KLHDC10: variants seen among roughly 807,000 people sequenced by gnomAD.
KLHDC10 encodes kelch domain-containing protein 10.
KLHDC10 carries 24 observed loss-of-function variants against 56.1 expected under a neutral mutation model. The ratio of observed to expected loss-of-function variants is 0.43; its 90% CI spans 0.31 to 0.60. The LOEUF (loss-of-function observed/expected upper bound fraction) is 0.60, where lower values mean the gene tolerates loss of function less well. Among genes scored for constraint, KLHDC10 ranks in the 20% least tolerant of loss-of-function variants. The pLI is 0.11. For synonymous variants in KLHDC10, 188 were observed against 207.1 expected (o/e 0.91, Z 0.79); for missense variants, 349 against 567.0 (o/e 0.62, Z 3.91).
At chr7:130,119,516 A>G (rs1796217688) in intron 3 of KLHDC10, among the ~76,000 whole-genome samples, 1 of 141,960 alleles carries the variant, frequency 7.0e-6, no homozygotes, top group Admixed American at 7.4e-5. Flanking sequence ...TGCCTTTCAA[A>G]CAAACAAACA....
At chr7:130,080,153 G>C (rs1318175964) in intron 1 of KLHDC10, among the ~76,000 whole-genome samples, 2 of 152,018 alleles carry the variant, frequency 1.3e-5, no homozygotes, top group East Asian at 3.9e-4. Context: ...TGTTGCCTAG[G>C]CTGGTTGCAA....
chr7:130,079,188 G>GC (rs1795563537), intron 1 of KLHDC10, among the ~76,000 whole-genome samples: 1 of 151,806 alleles, frequency 6.6e-6, no homozygotes, highest in Admixed American at 6.6e-5. Context: ...CTCCCGGGTA[G>GC]CTGGGATTAC....
At chr7:130,070,893 T>A in intron 1 of KLHDC10, 84 bp downstream of exon 1, 1 of 1,064,570 alleles carries the variant, frequency 9.4e-7, no homozygotes, top group Admixed American at 3.4e-5. Context: ...TTGCTTTTCC[T>A]TGGGAGGAGG....
At chr7:130,111,601 C>T (rs1467871681) in intron 2 of KLHDC10, among the ~76,000 whole-genome samples, 1 of 152,078 alleles carries the variant, frequency 6.6e-6, no homozygotes, top group East Asian at 1.9e-4. Context: ...GTCCCAACTA[C>T]TTTAGATGCT....
At chr7:130,083,173 C>T (rs1238851977) in intron 1 of KLHDC10, among the ~76,000 whole-genome samples, 2 of 152,164 alleles carry the variant, frequency 1.3e-5, no homozygotes, top group Non-Finnish European at 2.9e-5. Context: ...TCCTGGCAAA[C>T]CTGTTACTTC....
In KLHDC10 at chr7:130,130,145, A is replaced by T. The variant is rs144170753; in HGVS notation, c.1120-392A>T. Among the ~76,000 whole-genome samples, 8 of 151,654 alleles carry T rather than the reference A, an allele frequency of 5.3e-5. No homozygotes were observed. Among genetic ancestry groups the T allele is most frequent in the African/African-American group, 1.5e-4 (6 of 41,342 alleles). On this transcript the variant is annotated intron_variant, in intron 9 of 9. Transcript: ENST00000335420. The surrounding 1 kb of genome is among the most constrained non-coding windows in gnomAD (Gnocchi z 4.2). ...TCCTGGCTAACACGGATGAAACCCC[A>T]TCTCTACTAAAAATACAAAAAAAAA...
chr7:130,084,377 G>T (rs556408547), intron 1 of KLHDC10, among the ~76,000 whole-genome samples: 1 of 152,298 alleles, frequency 6.6e-6, no homozygotes, highest in East Asian at 1.9e-4. Flanking sequence ...GCTTGGACTA[G>T]GTGGTATATC....
At chr7:130,084,983 A>G (rs1443406646) in intron 1 of KLHDC10, among the ~76,000 whole-genome samples, 2 of 152,082 alleles carry the variant, frequency 1.3e-5, no homozygotes, top group Non-Finnish European at 2.9e-5. Context: ...ATCAAACTCA[A>G]GGGAGATGGT....
intron 2 of KLHDC10, among the ~76,000 whole-genome samples, chr7:130,103,191 C>T (rs543472911): frequency 5.9e-5 from 9 of 151,728 alleles, no homozygotes; most frequent in East Asian, 3.9e-4. Flanking sequence ...TTTGAGAGGC[C>T]GAGGCAGGTG....
intron 1 of KLHDC10, among the ~76,000 whole-genome samples, chr7:130,095,828 C>T (rs1463497889): frequency 1.3e-5 from 2 of 152,176 alleles, no homozygotes; most frequent in Admixed American, 1.3e-4. Flanking sequence ...GAAGGCCTCA[C>T]TTGAATCCTG....
At position 130,130,120 on chromosome 7, in the gene KLHDC10, T is replaced by G. The variant is rs573003396; in HGVS notation, c.1120-417T>G. On this transcript the variant is annotated intron_variant, in intron 9 of 9. Transcript: ENST00000335420. The surrounding 1 kb of genome is among the most constrained non-coding windows in gnomAD (Gnocchi z 4.2). ...TCACGAGGTCAGGAGATTGAGACCA[T>G]CCTGGCTAACACGGATGAAACCCCA... 5.9e-5 allele frequency among the ~76,000 whole-genome samples: 9 copies of G among 151,914 alleles called. No individual in the cohort carries two copies. Among genetic ancestry groups the G allele is most frequent in the South Asian group, 4.2e-4 (2 of 4,814 alleles).
intron 1 of KLHDC10, among the ~76,000 whole-genome samples, chr7:130,091,053 T>C (rs1178799954): frequency 6.6e-6 from 1 of 152,172 alleles, no homozygotes; most frequent in East Asian, 1.9e-4. Flanking sequence ...CAATAGTTCA[T>C]GGTTTTACCA....
At chr7:130,110,170 A>G (rs1176856102) in intron 2 of KLHDC10, among the ~76,000 whole-genome samples, 1 of 152,194 alleles carries the variant, frequency 6.6e-6, no homozygotes, top group Non-Finnish European at 1.5e-5. Flanking sequence ...ACTACCACTG[A>G]AATAATATTG....
Position 130,092,384 on chromosome 7 carries a change from C to A in KLHDC10, c.167-4537C>A, listed in dbSNP as rs1013517293. On this transcript the variant is annotated intron_variant, in intron 1 of 9. Transcript: ENST00000335420. ...CTTTTTAATATACTTTTCTATAATA[C>A]TTCTTCATGCTTGGGCCTTAGTTTT... 3.9e-5 allele frequency among the ~76,000 whole-genome samples: 6 copies of A among 152,144 alleles called. 1 individual carries two copies. The highest frequency in any genetic ancestry group is 3.9e-4 in the Admixed American group (6 of 15,272).
Position 130,130,460 on chromosome 7 carries a change from A to G in KLHDC10, c.1120-77A>G, listed in dbSNP as rs1170159056. On this transcript the variant is annotated intron_variant, in intron 9 of 9. Transcript: ENST00000335420. The surrounding 1 kb of genome is among the most constrained non-coding windows in gnomAD (Gnocchi z 4.2). ...TCATTTCATTTTGATTCCATCTACT[A>G]TGCTTTTTCCCCACTGAGTCTTCAG... 2.1e-5 allele frequency: 24 copies of G among 1,128,952 alleles called. No individual in the cohort carries two copies. Among genetic ancestry groups the G allele is most frequent in the South Asian group, 2.0e-4 (16 of 78,496 alleles). The allele number at this position is 1,128,952 out of a possible 1,614,324, so 69.9% of individuals were successfully genotyped here.
intron 1 of KLHDC10, among the ~76,000 whole-genome samples, chr7:130,082,272 C>T (rs749378106): frequency 3.9e-5 from 6 of 152,094 alleles, no homozygotes; most frequent in African/African-American, 9.7e-5. Context: ...TGTAGTGAGC[C>T]GAGATCATGC....
At chr7:130,121,953 A>G in intron 4 of KLHDC10, 101 bp from the exon 5 acceptor site, 1 of 961,874 alleles carries the variant, frequency 1.0e-6, no homozygotes, top group Non-Finnish European at 1.5e-6. Context: ...ATTAAAATAC[A>G]AGAGAATTTC....
rs972198391 is a variant in KLHDC10, at chr7:130,133,638, C to T, written c.*2892C>T. The T allele has an allele frequency of 4.0e-5, 6 of 151,446 alleles. No homozygotes were observed. Among genetic ancestry groups the T allele is most frequent in the African/African-American group, 1.5e-4 (6 of 41,326 alleles). 9.4% of individuals were successfully genotyped at this position (151,446 alleles called of 1,614,324 possible). A position where few individuals can be genotyped will look rare whatever the true frequency, so the allele number is the denominator to read the frequency against. The stretch of plus-strand genomic sequence containing the variant: ...TGTTAGAGTTGAGATTTTTTTTCTC[C>T]CTGTCATCTTTGTACTCTCTCATGT... On this transcript the variant is annotated 3_prime_UTR_variant, in exon 10 of 10. Coordinates refer to ENST00000335420, the MANE Select transcript of KLHDC10 (RefSeq NM_014997.4).
chr7:130,085,677 A>G (rs1460214801), intron 1 of KLHDC10, among the ~76,000 whole-genome samples: 1 of 147,804 alleles, frequency 6.8e-6, no homozygotes, highest in African/African-American at 2.5e-5. Context: ...TCTACTAAAA[A>G]TACAAAAAAC....
Sources: gnomAD v4.1 joint callset for allele counts (sites outside exome capture counted in the v4.1 genomes callset) on GRCh38, gnomAD v4.1.1 for gene constraint, Gnocchi (gnomAD v3.1) non-coding constraint, MANE v1.5 for transcripts, NCBI Gene and HGNC (gene_info 2026-07-23, HGNC 2026-07-21) for gene names.